The following PCMTD2 variants were observed in gnomAD, a reference collection of about 807,000 sequenced individuals.
PCMTD2 encodes protein-L-isoaspartate (D-aspartate) O-methyltransferase domain containing 2.
Under a neutral mutation model 33.4 loss-of-function variants are expected in PCMTD2, and 16 were observed. The ratio of observed to expected loss-of-function variants is 0.48; its 90% CI spans 0.32 to 0.73. The LOEUF (loss-of-function observed/expected upper bound fraction) is 0.73. Ranked by LOEUF, PCMTD2 falls within the 30% of genes least tolerant of loss-of-function variation. The pLI, the probability that PCMTD2 is intolerant of heterozygous loss-of-function variation, is 0.03. For synonymous variants in PCMTD2, 161 were observed against 160.8 expected (o/e 1.00, Z -0.01); for missense variants, 374 against 449.9 (o/e 0.83, Z 1.53).
intron 2 of PCMTD2, among the ~76,000 whole-genome samples, chr20:64,262,372 T>C (rs947683177): frequency 1.3e-5 from 2 of 152,202 alleles, no homozygotes; most frequent in African/African-American, 4.8e-5. Flanking sequence ...ATCCCCTGTT[T>C]ACTGGAAATT....
intron 5 of PCMTD2, among the ~76,000 whole-genome samples, chr20:64,268,493 C>T (rs1985750428): frequency 6.6e-6 from 1 of 152,182 alleles, no homozygotes; most frequent in Non-Finnish European, 1.5e-5. Flanking sequence ...GAACCTTACA[C>T]AGCCGAGCCT....
chr20:64,264,663 T>A (rs1278383719), intron 3 of PCMTD2, 132 bp downstream of exon 3: 4 of 610,982 alleles, frequency 6.5e-6, no homozygotes, highest in Non-Finnish European at 1.2e-5. Flanking sequence ...GTGCCTGTTC[T>A]AATTTTCAGA....
chr20:64,258,283 C>T (rs140224868), intron 1 of PCMTD2, among the ~76,000 whole-genome samples: 94 of 152,208 alleles, frequency 6.2e-4, no homozygotes, highest in African/African-American at 2.1e-3. Context: ...GTGGCTTATC[C>T]AGGATTAAAG....
rs777210536 is a variant in PCMTD2, at chr20:64,260,226, G to C, written c.261G>C (p.Leu87=). Residue 87 remains leucine (L), a synonymous_variant, in exon 2 of 6, where the codon CTG becomes CTC. Coordinates refer to ENST00000308824, the MANE Select transcript of PCMTD2 (RefSeq NM_018257.3). ...AGCCTGGACTCTCGTTTCTGAACCT[G>C]GGCAGTGGCACTGGGTATCTCAGCT... ...DLQPGLSFLN[L]GSGTGYLSSM... 6.2e-7 allele frequency: 1 copy of C among 1,613,920 alleles called. No individual in the cohort carries two copies. Among genetic ancestry groups the C allele is most frequent in the Admixed American group, 1.7e-5 (1 of 60,020 alleles).
At chr20:64,256,281 C>G (rs910040205) in intron 1 of PCMTD2, among the ~76,000 whole-genome samples, 2 of 152,004 alleles carry the variant, frequency 1.3e-5, no homozygotes, top group African/African-American at 4.8e-5. Flanking sequence ...ATAATTGCGC[C>G]CCCCCGCCCC....
chr20:64,273,180 C>T (rs1182951084), intron 5 of PCMTD2, 41 bp from the exon 6 acceptor site: 6 of 1,567,996 alleles, frequency 3.8e-6, no homozygotes, highest in South Asian at 3.5e-5. Context: ...GGTGGTGTCA[C>T]TCCGATGCAT....
intron 1 of PCMTD2, chr20:64,258,645 C>T (rs1985267953): frequency 6.6e-6 from 1 of 152,186 alleles, no homozygotes; most frequent in Non-Finnish European, 1.5e-5. Context: ...CCTTGTCACC[C>T]CACAGTATTT....
At chr20:64,273,056 A>G (rs1328390493) in intron 5 of PCMTD2, among the ~76,000 whole-genome samples, 165 bp from the exon 6 acceptor site, 1 of 152,234 alleles carries the variant, frequency 6.6e-6, no homozygotes. Flanking sequence ...ATATGATTGT[A>G]AATTAGAGCA....
intron 3 of PCMTD2, 148 bp downstream of exon 3, chr20:64,264,679 T>G (rs907530015): frequency 4.9e-6 from 3 of 608,648 alleles, no homozygotes; most frequent in African/African-American, 1.8e-5. Context: ...TCAGAAAAGA[T>G]TCTGTGTTTT....
At chr20:64,259,669 C>CA (rs1330292725) in intron 1 of PCMTD2, among the ~76,000 whole-genome samples, 2 of 152,142 alleles carry the variant, frequency 1.3e-5, no homozygotes, top group African/African-American at 2.4e-5. Context: ...GGATTACAGT[C>CA]ATGACCCACC....
chr20:64,265,503 T>TA (rs1465464480), intron 4 of PCMTD2, 74 bp downstream of exon 4: 3 of 1,148,546 alleles, frequency 2.6e-6, no homozygotes, highest in African/African-American at 1.5e-5. Context: ...TACGGATACT[T>TA]ACTCTTTTAA....
At chr20:64,258,493 A>T (rs1051996489) in intron 1 of PCMTD2, among the ~76,000 whole-genome samples, 1 of 152,254 alleles carries the variant, frequency 6.6e-6, no homozygotes, top group Non-Finnish European at 1.5e-5. Flanking sequence ...CCATAAAAAT[A>T]GAAGAGAATT....
intron 1 of PCMTD2, among the ~76,000 whole-genome samples, chr20:64,257,365 T>A (rs143405513): frequency 6.3e-4 from 96 of 152,230 alleles, no homozygotes; most frequent in African/African-American, 2.2e-3. Context: ...CAGGTTGTTA[T>A]GGACTGTTGC....
chr20:64,272,621 C>A (rs1336212015), intron 5 of PCMTD2, among the ~76,000 whole-genome samples: 1 of 152,158 alleles, frequency 6.6e-6, no homozygotes, highest in African/African-American at 2.4e-5. Flanking sequence ...GAGTTTGAGA[C>A]CATCCTGGCC....
intron 1 of PCMTD2, among the ~76,000 whole-genome samples, chr20:64,258,499 G>T (rs1985262979): frequency 1.3e-5 from 2 of 152,168 alleles, no homozygotes; most frequent in Admixed American, 6.5e-5. Context: ...AAATAGAAGA[G>T]AATTTGTGTT....
At chr20:64,271,994 G>A (rs1985930269) in intron 5 of PCMTD2, 1 of 338,668 alleles carries the variant, frequency 3.0e-6, no homozygotes, top group Non-Finnish European at 5.9e-6. Flanking sequence ...CACAGATGGG[G>A]CAAGAGGCAC....
At chr20:64,259,795 G>A (rs1985322981) in intron 1 of PCMTD2, 147 bp from the exon 2 acceptor site, 7 of 552,720 alleles carry the variant, frequency 1.3e-5, no homozygotes, top group Non-Finnish European at 2.2e-5. Context: ...GCATCTCTGG[G>A]TGGGGCAGGG....
intron 5 of PCMTD2, among the ~76,000 whole-genome samples, chr20:64,269,781 G>A (rs1183247759): frequency 3.3e-5 from 5 of 151,068 alleles, no homozygotes; most frequent in Non-Finnish European, 7.4e-5. Context: ...GTGGGGTAAT[G>A]TGTGTGTGGG....
At chr20:64,268,419 G>A (rs965629436) in intron 5 of PCMTD2, among the ~76,000 whole-genome samples, 1 of 152,174 alleles carries the variant, frequency 6.6e-6, no homozygotes, top group Non-Finnish European at 1.5e-5. Context: ...TGCCTCATGG[G>A]TAGACAAGGT....
Sources: gnomAD v4.1 joint callset for allele counts (sites outside exome capture counted in the v4.1 genomes callset) on GRCh38, gnomAD v4.1.1 for gene constraint, MANE v1.5 for transcripts, NCBI Gene and HGNC (gene_info 2026-07-23, HGNC 2026-07-21) for gene names.